Variants in SIK2 observed in about 807,000 individuals in gnomAD.
The protein encoded by SIK2 is salt inducible kinase 2.
SIK2 carries 29 observed loss-of-function variants against 103.2 expected under a neutral mutation model. The observed-to-expected ratio is 0.28, with a 90% CI of 0.21 to 0.38. The LOEUF (loss-of-function observed/expected upper bound fraction) is 0.38. SIK2 is among the 10% of genes least tolerant of loss of function. The pLI, the probability that SIK2 is intolerant of heterozygous loss-of-function variation, is 1.00. For missense variants in SIK2, 879 were observed against 1,171.0 expected, an observed-to-expected ratio of 0.75 and a Z score of 3.64; for synonymous variants, 412 against 446.1, an observed-to-expected ratio of 0.92 and a Z score of 0.96.
intron 3 of SIK2, among the ~76,000 whole-genome samples, chr11:111,667,667 A>G (rs1485152593): frequency 6.6e-6 from 1 of 151,352 alleles, no homozygotes; most frequent in Non-Finnish European, 1.5e-5. Context: ...TTGTTTTTGT[A>G]TTTTTAGTAG....
At chr11:111,606,926 C>T (rs1274597929) in intron 1 of SIK2, among the ~76,000 whole-genome samples, 1 of 135,902 alleles carries the variant, frequency 7.4e-6, no homozygotes, top group African/African-American at 2.7e-5. Context: ...CCAGCCTGGT[C>T]AATATAGCAA....
At chr11:111,611,412 T>G (rs899400645) in intron 1 of SIK2, among the ~76,000 whole-genome samples, 2 of 152,224 alleles carry the variant, frequency 1.3e-5, no homozygotes, top group African/African-American at 4.8e-5. Flanking sequence ...TATTTTATAT[T>G]CCTACTAACT....
At chr11:111,611,635 C>A (rs933131355) in intron 1 of SIK2, among the ~76,000 whole-genome samples, 5 of 151,986 alleles carry the variant, frequency 3.3e-5, no homozygotes, top group African/African-American at 1.2e-4. Context: ...ATACAGGAAA[C>A]CTTTATTCAG....
At chr11:111,661,120 T>G (rs1942462151) in intron 3 of SIK2, among the ~76,000 whole-genome samples, 1 of 152,152 alleles carries the variant, frequency 6.6e-6, no homozygotes, top group Non-Finnish European at 1.5e-5. Context: ...GTATATACTC[T>G]TTCTCTTTGC....
intron 3 of SIK2, among the ~76,000 whole-genome samples, chr11:111,633,876 T>C: frequency 6.6e-6 from 1 of 152,314 alleles, no homozygotes; most frequent in African/African-American, 2.4e-5. Flanking sequence ...CTTGGGTTAT[T>C]TATGAGTACA....
intron 2 of SIK2, among the ~76,000 whole-genome samples, chr11:111,617,860 A>G (rs1478344930): frequency 8.3e-6 from 1 of 120,164 alleles, no homozygotes; most frequent in East Asian, 3.1e-4. Context: ...GTATATATAT[A>G]TACACACACA....
chr11:111,620,379 A>T lies in SIK2; in HGVS notation c.293A>T (p.Tyr98Phe). 4 of 1,590,932 alleles carry T rather than the reference A, an allele frequency of 2.5e-6. No individual in the cohort carries two copies. The highest frequency in any genetic ancestry group is 3.4e-6 in the Non-Finnish European group (4 of 1,171,200). The change falls in exon 3 of 15, where the codon TAT becomes TTT. Residue 98 changes from tyrosine (Y) to phenylalanine (F), a missense_variant. Physicochemically the swap from Tyr to Phe is conservative, Grantham distance 22. Coordinates refer to ENST00000304987, the MANE Select transcript of SIK2 (RefSeq NM_015191.3). Reference sequence around the variant, plus strand: ...AGTATGTTGTACCTTGTGACAGAATATGCCAAAAATGGAGAAATTTTTGGT... The same window carrying T: ...AGTATGTTGTACCTTGTGACAGAATTTGCCAAAAATGGAGAAATTTTTGGT... Reference protein sequence around the residue: ...TKSMLYLVTEYAKNGEIFDYL... With the variant: ...TKSMLYLVTEFAKNGEIFDYL...
chr11:111,602,828 G>A lies in SIK2; in HGVS notation c.135+130G>A, dbSNP rs1370400589. On this transcript the variant is annotated intron_variant, in intron 1 of 14. Coordinates refer to ENST00000304987, the MANE Select transcript of SIK2 (RefSeq NM_015191.3). The surrounding 1 kb of genome is among the most constrained non-coding windows in gnomAD (Gnocchi z 4.5). ...CCGCCTCACTGGCGGAGGCGAGCGGGCCTGGGACTGTGAGGACCCAGGAGG... is the reference window on the plus strand; with the variant it reads ...CCGCCTCACTGGCGGAGGCGAGCGGACCTGGGACTGTGAGGACCCAGGAGG... 7.5e-7 allele frequency: 1 copy of A among 1,327,572 alleles called. No homozygotes were observed. Among genetic ancestry groups the A allele is most frequent in the South Asian group, 1.7e-5 (1 of 59,788 alleles). 82.2% of individuals were successfully genotyped at this position (1,327,572 alleles called of 1,614,324 possible). A position where few individuals can be genotyped will look rare whatever the true frequency, so the allele number is the denominator to read the frequency against.
At chr11:111,680,786 A>G (rs1274829650) in intron 3 of SIK2, among the ~76,000 whole-genome samples, 1 of 152,230 alleles carries the variant, frequency 6.6e-6, no homozygotes, top group Non-Finnish European at 1.5e-5. Context: ...AGCAACTAAC[A>G]TTTATTGAGC....
intron 9 of SIK2, among the ~76,000 whole-genome samples, chr11:111,717,700 C>T (rs575326250): frequency 6.6e-6 from 1 of 152,320 alleles, no homozygotes; most frequent in African/African-American, 2.4e-5. Flanking sequence ...CCCAAATGCC[C>T]ATCAGTGATA....
At chr11:111,641,036 G>A (rs1049154371) in intron 3 of SIK2, among the ~76,000 whole-genome samples, 5 of 152,090 alleles carry the variant, frequency 3.3e-5, no homozygotes, top group Non-Finnish European at 5.9e-5. Flanking sequence ...AACTAATGGC[G>A]AAATTTACCT....
Position 111,725,827 on chromosome 11 carries a change from T to G in SIK2, c.*1698T>G, listed in dbSNP as rs1943947679. 6.6e-6 allele frequency: 1 copy of G among 152,576 alleles called. No individual in the cohort carries two copies. The highest frequency in any genetic ancestry group is 2.4e-5 in the African/African-American group (1 of 41,456). The allele number at this position is 152,576 out of a possible 1,614,324, so 9.5% of individuals were successfully genotyped here. On this transcript the variant is annotated 3_prime_UTR_variant, in exon 15 of 15. Transcript: ENST00000304987. ...CTGTTGCTGGCCAGAGACTGCCTGG[T>G]CGCCAGCGCTCACCATGGGTGCCAG...
intron 8 of SIK2, among the ~76,000 whole-genome samples, chr11:111,707,762 T>C (rs1481580353): frequency 2.0e-5 from 3 of 152,158 alleles, no homozygotes; most frequent in Admixed American, 6.5e-5. Flanking sequence ...CTTGATATAG[T>C]AGCAAAAAAA....
intron 3 of SIK2, among the ~76,000 whole-genome samples, chr11:111,640,042 A>G (rs1193609376): frequency 6.6e-6 from 1 of 152,184 alleles, no homozygotes; most frequent in Non-Finnish European, 1.5e-5. Context: ...ACTTGACTGC[A>G]TCCCTTGTGG....
At chr11:111,679,589 A>G (rs2135886868) in intron 3 of SIK2, among the ~76,000 whole-genome samples, 1 of 152,350 alleles carries the variant, frequency 6.6e-6, no homozygotes, top group South Asian at 2.1e-4. Context: ...TATTATAAAT[A>G]GTATTATAAC....
At chr11:111,637,343 T>C (rs1023976471) in intron 3 of SIK2, among the ~76,000 whole-genome samples, 3 of 152,024 alleles carry the variant, frequency 2.0e-5, no homozygotes, top group Non-Finnish European at 4.4e-5. Context: ...CTAAAATTTA[T>C]TGCCTAAAGG....
intron 3 of SIK2, among the ~76,000 whole-genome samples, chr11:111,675,058 G>A (rs930046012): frequency 7.9e-5 from 12 of 152,276 alleles, no homozygotes; most frequent in African/African-American, 2.9e-4. Flanking sequence ...CCTCTACTGT[G>A]ATAATGTTAC....
At chr11:111,674,269 C>T (rs1565347121) in intron 3 of SIK2, among the ~76,000 whole-genome samples, 1 of 152,020 alleles carries the variant, frequency 6.6e-6, no homozygotes, top group African/African-American at 2.4e-5. Context: ...ACAACTAACC[C>T]CTCTGTCTCT....
At chr11:111,625,660 G>A (rs1941952408) in intron 3 of SIK2, among the ~76,000 whole-genome samples, 1 of 152,196 alleles carries the variant, frequency 6.6e-6, no homozygotes, top group Admixed American at 6.5e-5. Context: ...GTTGACCATT[G>A]TATACTGCAG....
Sources: allele counts gnomAD v4.1 joint callset (sites outside exome capture counted in the v4.1 genomes callset), GRCh38; gene constraint gnomAD v4.1.1; non-coding constraint Gnocchi (gnomAD v3.1); transcripts MANE v1.5; gene names NCBI Gene and HGNC (gene_info 2026-07-23, HGNC 2026-07-21).